The following NRXN3 variants were observed in gnomAD, a reference collection of about 807,000 sequenced individuals.
NRXN3 encodes the protein neurexin III.
NRXN3 carries 32 observed loss-of-function variants against 137.6 expected under a neutral mutation model. The observed-to-expected ratio is 0.23, with a 90% confidence interval of 0.18 to 0.31. The LOEUF (loss-of-function observed/expected upper bound fraction) is 0.31. NRXN3 is among the 10% of genes least tolerant of loss of function. The pLI is 1.00. For synonymous variants in NRXN3, 798 were observed against 784.5 expected (o/e 1.02, Z -0.29); for missense variants, 1,574 against 2,062.5 (o/e 0.76, Z 4.59).
At chr14:79,295,865 C>T (rs1366248854) in intron 15 of NRXN3, among the ~76,000 whole-genome samples, 1 of 152,138 alleles carries the variant, frequency 6.6e-6, no homozygotes, top group East Asian at 1.9e-4. Flanking sequence ...CAGTGAGTTT[C>T]CCAGCCTTCT....
chr14:78,254,685 A>G lies in NRXN3; in HGVS notation c.709+10883A>G, dbSNP rs564534965. 3.0e-4 allele frequency among the ~76,000 whole-genome samples: 45 copies of G among 151,904 alleles called. 1 individual carries two copies. The South Asian group carries it at 9.4e-3, about 32-fold the overall frequency. Reference sequence around the variant, plus strand: ...AGAGTGAGACTCCATCTCCAAAAAAAAAAAAAAAGATTGGAAGTTCTGGAA... The same window carrying G: ...AGAGTGAGACTCCATCTCCAAAAAAGAAAAAAAAGATTGGAAGTTCTGGAA... On this transcript the variant is annotated intron_variant, in intron 2 of 20. Transcript: ENST00000335750.
chr14:79,519,391 AT>A (rs2097034306), intron 16 of NRXN3, among the ~76,000 whole-genome samples: 1 of 151,936 alleles, frequency 6.6e-6, no homozygotes, highest in East Asian at 1.9e-4. Context: ...CCACTTTTGC[AT>A]TTCCTAGAAT....
At chr14:78,851,090 G>A (rs1353158498) in intron 10 of NRXN3, among the ~76,000 whole-genome samples, 1 of 152,108 alleles carries the variant, frequency 6.6e-6, no homozygotes, top group East Asian at 1.9e-4. Flanking sequence ...TATGAAGTAG[G>A]AAATTCTTTG....
At chr14:78,246,342 T>A in intron 2 of NRXN3, among the ~76,000 whole-genome samples, 1 of 152,242 alleles carries the variant, frequency 6.6e-6, no homozygotes, top group East Asian at 1.9e-4. Context: ...ATTGGTTTTT[T>A]AATAGCTAAA....
At position 78,186,564 on chromosome 14, in the gene NRXN3, G is replaced by A. The variant is rs545040723; in HGVS notation, c.-704+15890G>A. Among the ~76,000 whole-genome samples the A allele has an allele frequency of 4.9e-4, 75 of 152,354 alleles. 1 individual carries two copies. Among genetic ancestry groups the A allele is most frequent in the African/African-American group, 1.6e-3 (65 of 41,586 alleles). ...GTGGGCCCTCACTGGGTGGTTATGC[G>A]CTCTGGACTATGTTTGGAGAATTAA... On this transcript the variant is annotated intron_variant, in intron 1 of 20. Transcript: ENST00000335750.
At chr14:78,737,628 G>A (rs2098546826) in intron 8 of NRXN3, among the ~76,000 whole-genome samples, 1 of 152,116 alleles carries the variant, frequency 6.6e-6, no homozygotes, top group African/African-American at 2.4e-5. Context: ...AAAAAGGGGG[G>A]GAGGGGTAGA....
intron 4 of NRXN3, among the ~76,000 whole-genome samples, chr14:78,533,072 T>A (rs2096490114): frequency 6.6e-6 from 1 of 151,142 alleles, no homozygotes; most frequent in Non-Finnish European, 1.5e-5. Flanking sequence ...GTCTCCCAAC[T>A]GATATCTCTC....
At chr14:78,471,003 G>A (rs183323108) in intron 4 of NRXN3, among the ~76,000 whole-genome samples, 33 of 152,234 alleles carry the variant, frequency 2.2e-4, no homozygotes, top group Admixed American at 1.8e-3. Flanking sequence ...TCTATACTCA[G>A]CCTGGGTAAC....
chr14:78,348,561 A>G (rs563615971), intron 4 of NRXN3, among the ~76,000 whole-genome samples: 7 of 152,262 alleles, frequency 4.6e-5, no homozygotes, highest in African/African-American at 1.7e-4. Flanking sequence ...CTCTTCCCCC[A>G]TATGGTTCTT....
At chr14:79,402,574 A>T (rs2095230657) in intron 15 of NRXN3, among the ~76,000 whole-genome samples, 1 of 152,216 alleles carries the variant, frequency 6.6e-6, no homozygotes, top group South Asian at 2.1e-4. Flanking sequence ...ATTTTACACC[A>T]GGCCCAGAAG....
chr14:78,785,315 T>C (rs550017238), intron 8 of NRXN3, among the ~76,000 whole-genome samples: 243 of 152,278 alleles, frequency 1.6e-3, no homozygotes, highest in Non-Finnish European at 2.8e-3. Context: ...TGTCACTGAG[T>C]CATAAAGACG....
chr14:78,598,303 C>T (rs1045935339), intron 4 of NRXN3, among the ~76,000 whole-genome samples: 13 of 151,830 alleles, frequency 8.6e-5, no homozygotes, highest in Admixed American at 1.3e-4. Flanking sequence ...AGCAAGGGTT[C>T]CTGGGACACT....
intron 15 of NRXN3, among the ~76,000 whole-genome samples, chr14:79,204,365 TG>T (rs1333784988): frequency 6.6e-6 from 1 of 151,780 alleles, no homozygotes; most frequent in African/African-American, 2.4e-5. Flanking sequence ...ATGCCTCATA[TG>T]GTAACAGTTA....
At chr14:79,078,448 C>A (rs767522038) in intron 15 of NRXN3, among the ~76,000 whole-genome samples, 1 of 152,148 alleles carries the variant, frequency 6.6e-6, no homozygotes, top group African/African-American at 2.4e-5. Context: ...ATCCATCCAA[C>A]CTTGCTCTGC....
chr14:79,619,487 A>G (rs569228262), intron 16 of NRXN3, among the ~76,000 whole-genome samples: 1 of 152,040 alleles, frequency 6.6e-6, no homozygotes, highest in African/African-American at 2.4e-5. Context: ...ATTGCTTGTG[A>G]CCATGAGATT....
At position 79,692,047 on chromosome 14, in the gene NRXN3, TC is replaced by T. The variant is rs1450557051; in HGVS notation, c.3617-125del. The T allele has an allele frequency of 1.2e-4, 80 of 654,310 alleles. No individual in the cohort carries two copies. The African/African-American group carries it at 1.5e-3, about 12-fold the overall frequency. 40.5% of individuals were successfully genotyped at this position (654,310 alleles called of 1,614,324 possible). ...AGGGCAGAGTGACTTCAACTCCACC[TC>T]TACTAAAGATAAATTGATATCTATC... On this transcript the variant is annotated intron_variant, in intron 17 of 20. Transcript: ENST00000335750.
chr14:78,434,076 G>A (rs781652403), intron 4 of NRXN3, among the ~76,000 whole-genome samples: 10 of 152,154 alleles, frequency 6.6e-5, no homozygotes, highest in Non-Finnish European at 1.2e-4. Context: ...AAAATCATAA[G>A]GCAAATCCTG....
At chr14:78,754,636 G>A (rs1426630769) in intron 8 of NRXN3, among the ~76,000 whole-genome samples, 2 of 152,156 alleles carry the variant, frequency 1.3e-5, no homozygotes, top group African/African-American at 4.8e-5. Flanking sequence ...TAGTGCAGTG[G>A]TTTTCAAAGT....
At chr14:78,792,204 G>GA (rs71131660) in intron 8 of NRXN3, among the ~76,000 whole-genome samples, 12 of 109,238 alleles carry the variant, frequency 1.1e-4, no homozygotes, top group African/African-American at 4.0e-4. Context: ...AGAACTCAAA[G>GA]AAAAAAAAAA....
Sources: gnomAD v4.1 joint callset for allele counts (sites outside exome capture counted in the v4.1 genomes callset) on GRCh38, gnomAD v4.1.1 for gene constraint, MANE v1.5 for transcripts, NCBI Gene and HGNC (gene_info 2026-07-23, HGNC 2026-07-21) for gene names.